The following PEAK1 variants were observed in gnomAD, a reference collection of about 807,000 sequenced individuals.
PEAK1 encodes the protein pseudopodium enriched atypical kinase 1, also known as inactive tyrosine-protein kinase PEAK1.
PEAK1 carries 54 observed loss-of-function variants against 124.7 expected under a neutral mutation model. The observed-to-expected ratio is 0.43, with a 90% CI of 0.35 to 0.54. The LOEUF (loss-of-function observed/expected upper bound fraction) is 0.54, where lower values mean the gene tolerates loss of function less well. Ranked by LOEUF, PEAK1 falls within the 20% of genes least tolerant of loss-of-function variation. The pLI is 0.01. For missense variants in PEAK1, 2,046 were observed against 2,134.5 expected (o/e 0.96, Z 0.82); for synonymous variants, 719 against 760.0 (o/e 0.95, Z 0.89).
chr15:77,262,667 C>T (rs1004545350), intron 5 of PEAK1, among the ~76,000 whole-genome samples: 2 of 151,396 alleles, frequency 1.3e-5, no homozygotes, highest in African/African-American at 2.4e-5. Context: ...CACTTTAACA[C>T]CCCACAGACA....
intron 2 of PEAK1, among the ~76,000 whole-genome samples, chr15:77,363,789 C>T (rs1358239691): frequency 6.6e-6 from 1 of 152,060 alleles, no homozygotes; most frequent in Non-Finnish European, 1.5e-5. Flanking sequence ...AGAAATTAGT[C>T]ACAGAAGACA....
intron 2 of PEAK1, chr15:77,337,331 T>G: frequency 3.1e-6 from 3 of 973,060 alleles, no homozygotes; most frequent in Non-Finnish European, 3.7e-6. Context: ...TTCATTTATT[T>G]GAGAGGAGAA....
chr15:77,324,888 T>C (rs895561185), intron 2 of PEAK1, among the ~76,000 whole-genome samples: 1 of 152,158 alleles, frequency 6.6e-6, no homozygotes, highest in Non-Finnish European at 1.5e-5. Context: ...TACAATTCAA[T>C]GTGAGATTTG....
intron 2 of PEAK1, among the ~76,000 whole-genome samples, chr15:77,339,968 G>T (rs1196575335): frequency 6.6e-6 from 1 of 152,158 alleles, no homozygotes. Context: ...TATTACAATG[G>T]CTAAATTCAA....
intron 6 of PEAK1, among the ~76,000 whole-genome samples, chr15:77,250,150 TATATACATATATATAC>T (rs1351950527): frequency 1.1e-4 from 15 of 142,296 alleles, no homozygotes; most frequent in African/African-American, 3.7e-4. Flanking sequence ...TTAAGATATA[TATATACATATATATAC>T]ATATATATGT....
intron 1 of PEAK1, chr15:77,371,387 T>C (rs770419645): frequency 6.8e-5 from 64 of 941,768 alleles, no homozygotes; most frequent in Non-Finnish European, 8.0e-5. Context: ...ATTGAAAGTG[T>C]TGTAAAAGTG....
intron 8 of PEAK1, among the ~76,000 whole-genome samples, chr15:77,152,285 T>C (rs1391264919): frequency 1.3e-5 from 2 of 152,152 alleles, no homozygotes; most frequent in East Asian, 1.9e-4. Context: ...TTTGGCTCTC[T>C]GTTTGTCTGT....
chr15:77,284,662 C>CTAA (rs1310214791), intron 4 of PEAK1, among the ~76,000 whole-genome samples: 1 of 152,126 alleles, frequency 6.6e-6, no homozygotes, highest in Non-Finnish European at 1.5e-5. Context: ...GATTTAACTG[C>CTAA]TAATAGTTGA....
intron 5 of PEAK1, among the ~76,000 whole-genome samples, chr15:77,275,231 T>C (rs1171112561): frequency 2.6e-5 from 4 of 152,196 alleles, no homozygotes; most frequent in African/African-American, 7.2e-5. Flanking sequence ...TCTAGGGTGA[T>C]AGGTGCACCA....
exon 7 of PEAK1, chr15:77,103,065 T>G (rs758372620): frequency 6.6e-6 from 1 of 152,188 alleles, no homozygotes; most frequent in Non-Finnish European, 1.5e-5. Context: ...ATAATAAAAT[T>G]TGTATATATG....
At position 77,410,062 on chromosome 15, in the gene PEAK1, G is replaced by GGT. The variant is rs200497359; in HGVS notation, c.-666+9942_-666+9943dup. 2.0e-3 allele frequency among the ~76,000 whole-genome samples: 293 copies of GGT among 147,040 alleles called. 2 individuals carry two copies. Among genetic ancestry groups the GGT allele is most frequent in the African/African-American group, 6.4e-3 (253 of 39,580 alleles). On this transcript the variant is annotated intron_variant, in intron 1 of 9. Coordinates refer to ENST00000682557, the MANE Select transcript of PEAK1 (RefSeq NM_001385026.1). ...GTTTTTTTGTTTTGTTTTGTTTTTTGGTGTGTGTGTGTGTTTTTTTTTTTT... is the reference window on the plus strand; with the variant it reads ...GTTTTTTTGTTTTGTTTTGTTTTTTGGTGTGTGTGTGTGTGTTTTTTTTTTTT...
At chr15:77,272,610 G>A (rs1224502179) in intron 5 of PEAK1, among the ~76,000 whole-genome samples, 4 of 151,882 alleles carry the variant, frequency 2.6e-5, no homozygotes, top group East Asian at 3.9e-4. Flanking sequence ...AGCATGAAAT[G>A]GTAATTTAAA....
At chr15:77,207,699 G>A (rs575337964) in intron 6 of PEAK1, among the ~76,000 whole-genome samples, 3 of 152,134 alleles carry the variant, frequency 2.0e-5, no homozygotes, top group South Asian at 4.1e-4. Flanking sequence ...AATAGGTGGA[G>A]CAGAGGGGAA....
chr15:77,195,318 G>A (rs939665510), intron 6 of PEAK1, among the ~76,000 whole-genome samples: 3 of 152,090 alleles, frequency 2.0e-5, no homozygotes, highest in African/African-American at 7.2e-5. Context: ...TATCATTAAA[G>A]TTATTAACCC....
intron 2 of PEAK1, chr15:77,334,374 AT>A (rs1337930502): frequency 1.0e-6 from 1 of 985,190 alleles, no homozygotes; most frequent in Non-Finnish European, 1.2e-6. Context: ...GCCTTTTATT[AT>A]TCCAGGAAGA....
Position 77,180,260 on chromosome 15 carries a change from C to A in PEAK1, c.1667G>T (p.Gly556Val), listed in dbSNP as rs2152818898. 1 of 1,614,152 alleles carries A rather than the reference C, an allele frequency of 6.2e-7. No homozygotes were observed. Among genetic ancestry groups the A allele is most frequent in the South Asian group, 1.1e-5 (1 of 91,066 alleles). The change falls in exon 7 of 10, where the codon GGA (glycine) becomes GTA (valine). Residue 556 changes from glycine (G) to valine (V), a missense_variant. Physicochemically the swap from Gly to Val is moderately radical, Grantham distance 109 (BLOSUM62 -3). Coordinates refer to ENST00000682557, the MANE Select transcript of PEAK1 (RefSeq NM_001385026.1). The part of the protein sequence containing the change: ...PKVELITSGT[G>V]PNVPPRKNCH... ...GTTTTTCCTTGGAGGAACATTTGGT[C>A]CAGTTCCACTAGTAATTAGTTCTAC...
intron 1 of PEAK1, chr15:77,403,430 A>G (rs2071543119): frequency 2.2e-6 from 2 of 921,736 alleles, no homozygotes; most frequent in African/African-American, 3.6e-5. Context: ...GCAATCTTAC[A>G]TATTGATTGT....
chr15:77,284,018 GTAAT>G lies in PEAK1; in HGVS notation c.-414_-411del, dbSNP rs573147335. ...ACAAAATGGTACTTCATTGAAGGAT[GTAAT>G]TAGTCTCACTAAAGCAAGAAAACAT... On this transcript the variant is annotated 5_prime_UTR_variant, in exon 5 of 10. Coordinates refer to ENST00000682557, the MANE Select transcript of PEAK1 (RefSeq NM_001385026.1). The G allele has an allele frequency of 2.4e-5, 24 of 985,222 alleles. No homozygotes were observed. In the African/African-American group the frequency reaches 4.0e-4, roughly 16 times the overall value. 61.0% of individuals were successfully genotyped at this position (985,222 alleles called of 1,614,324 possible). A position where few individuals can be genotyped will look rare whatever the true frequency, so the allele number is the denominator to read the frequency against.
At chr15:77,257,134 C>T (rs1343195730) in intron 5 of PEAK1, among the ~76,000 whole-genome samples, 2 of 152,096 alleles carry the variant, frequency 1.3e-5, no homozygotes, top group Non-Finnish European at 2.9e-5. Context: ...CATTGATGGA[C>T]ATTTGGGTTG....
Sources: allele counts gnomAD v4.1 joint callset (sites outside exome capture counted in the v4.1 genomes callset), GRCh38; gene constraint gnomAD v4.1.1; transcripts MANE v1.5; gene names NCBI Gene and HGNC (gene_info 2026-07-23, HGNC 2026-07-21).